AKNA: variants seen among roughly 807,000 people sequenced by gnomAD.
AKNA encodes the protein AT-hook transcription factor.
Under a neutral mutation model 138.8 loss-of-function variants are expected in AKNA, and 67 were observed. The ratio of observed to expected loss-of-function variants is 0.48; its 90% CI spans 0.40 to 0.59. AKNA has a LOEUF of 0.59. Among genes scored for constraint, AKNA ranks in the 20% least tolerant of loss-of-function variants. The pLI, the probability that AKNA is intolerant of heterozygous loss-of-function variation, is 0.00. For missense variants in AKNA, 1,813 were observed against 1,880.4 expected, an observed-to-expected ratio of 0.96 and a Z score of 0.66; for synonymous variants, 737 against 754.4, an observed-to-expected ratio of 0.98 and a Z score of 0.38.
upstream of AKNA, among the ~76,000 whole-genome samples, chr9:114,395,736 TAAAA>T (rs11297740): frequency 1.2e-3 from 135 of 108,244 alleles, no homozygotes; most frequent in East Asian, 6.4e-3. Flanking sequence ...CAGCTGTCTT[TAAAA>T]AAAAAAAAAA....
chr9:114,386,285 C>T (rs1429126548), intron 1 of AKNA, among the ~76,000 whole-genome samples: 2 of 152,106 alleles, frequency 1.3e-5, no homozygotes, highest in South Asian at 2.1e-4. Flanking sequence ...GGGGGTAGTA[C>T]AATACAGAAG....
At position 114,381,225 on chromosome 9, in the gene AKNA, T is replaced by C. The variant is rs754525164; in HGVS notation, c.109A>G (p.Ser37Gly). Residue 37 changes from serine to glycine, a missense_variant, in exon 2 of 22, where the codon AGT becomes GGT. Ser to Gly is a moderately conservative substitution (Grantham distance 56). Transcript: ENST00000374088. ...CTCTCTTCTTCCCAGCTTTGTGAAC[T>C]ACTTCTATCCACATCCCTCTTGTCC... ...AEDKRDVDRSSSQSWEEERLF... is the reference protein window; with the variant it reads ...AEDKRDVDRSGSQSWEEERLF... 84 of 1,614,192 alleles carry C rather than the reference T, an allele frequency of 5.2e-5. No homozygotes were observed. The highest frequency in any genetic ancestry group is 7.1e-5 in the Non-Finnish European group (84 of 1,180,022).
chr9:114,361,573 A>G, intron 9 of AKNA, 131 bp downstream of exon 9: 2 of 1,038,118 alleles, frequency 1.9e-6, no homozygotes, highest in East Asian at 2.4e-5. Context: ...TAAATATGTA[A>G]TATTTACATA....
rs912293959 is a variant in AKNA at position 114,380,984 on chromosome 9, A to G, written c.274+76T>C. The stretch of plus-strand genomic sequence containing the variant: ...GCAATGAAGCAAGACTCTGTCTCAA[A>G]AAAAAAAAAAAAAAAAAGAACGTGT... On this transcript the variant is annotated intron_variant, in intron 2 of 21. Transcript: ENST00000374088. 519 of 769,210 alleles carry G rather than the reference A, an allele frequency of 6.7e-4. 1 individual carries two copies. In the African/African-American group the frequency reaches 8.8e-3, roughly 13 times the overall value. 47.6% of individuals were successfully genotyped at this position (769,210 alleles called of 1,614,324 possible).
chr9:114,383,292 T>G (rs1564097492), intron 1 of AKNA: 3 of 445,020 alleles, frequency 6.7e-6, no homozygotes, highest in Non-Finnish European at 1.4e-5. Flanking sequence ...CCCTCTTTCC[T>G]TCTCCCTCTC....
chr9:114,354,249 C>T (rs918422838), intron 14 of AKNA, among the ~76,000 whole-genome samples: 5 of 151,900 alleles, frequency 3.3e-5, no homozygotes, highest in African/African-American at 1.2e-4. Context: ...ACACACACAT[C>T]ACAGACACAC....
chr9:114,367,492 G>A (rs1410686885), intron 6 of AKNA, 51 bp downstream of exon 6: 1 of 1,598,154 alleles, frequency 6.3e-7, no homozygotes, highest in East Asian at 2.2e-5. Flanking sequence ...GAGGTTCTGT[G>A]TTCTCCAGGT....
At chr9:114,341,785 A>ATGGCAGATCCAGCTG in intron 20 of AKNA, 60 bp from the exon 21 acceptor site, 1 of 1,508,096 alleles carries the variant, frequency 6.6e-7, no homozygotes, top group Non-Finnish European at 8.9e-7. Context: ...ATCCAGCCAA[A>ATGGCAGATCCAGCTG]GATGGAGGGT....
chr9:114,378,862 A>G (rs144405872), intron 2 of AKNA, among the ~76,000 whole-genome samples: 1 of 152,158 alleles, frequency 6.6e-6, no homozygotes, highest in Non-Finnish European at 1.5e-5. Context: ...GATAAGTCCA[A>G]AGTTTCATGA....
chr9:114,392,556 C>T (rs1017523435), upstream of AKNA, among the ~76,000 whole-genome samples: 8 of 152,234 alleles, frequency 5.3e-5, no homozygotes, highest in South Asian at 2.1e-4. Flanking sequence ...CTTGGGATGA[C>T]GGATGAGACT....
rs1337653233 is a variant in AKNA, at chr9:114,347,806, G to C, written c.3316C>G (p.Pro1106Ala). 2 of 1,551,170 alleles carry C rather than the reference G, an allele frequency of 1.3e-6. No individual in the cohort carries two copies. The highest frequency in any genetic ancestry group is 3.9e-5 in the Admixed American group (2 of 50,988). Reference protein sequence around the residue: ...HQPLQGSPTRPASAFDRPART... With the variant: ...HQPLQGSPTRAASAFDRPART... ...GCGGGGCGGTCAAAGGCAGATGCTG[G>C]GCGTGTCGGGCTGCCCTGGAGTGGC... is the stretch of plus-strand genomic sequence containing the variant. The change falls in exon 16 of 22, where the codon CCA becomes GCA. Residue 1106 changes from proline to alanine, a missense_variant. Pro to Ala is a conservative substitution (Grantham distance 27, BLOSUM62 -1). Transcript: ENST00000374088.
At chr9:114,373,813 G>A (rs992093419) in intron 4 of AKNA, among the ~76,000 whole-genome samples, 2 of 150,896 alleles carry the variant, frequency 1.3e-5, no homozygotes, top group African/African-American at 4.9e-5. Flanking sequence ...TTGAGCCCAG[G>A]AGGTTGAGAT....
Position 114,334,754 on chromosome 9 carries a change from C to A in AKNA, c.*2300G>T, listed in dbSNP as rs1481191906. ...CCACGTGTGCAGCTGCGTATACCAT[C>A]CAGGGTGATAGGACCATGAGCCCGA... On this transcript the variant is annotated 3_prime_UTR_variant, in exon 22 of 22. Transcript: ENST00000374088. The A allele has an allele frequency of 4.8e-5, 7 of 146,792 alleles. No individual in the cohort carries two copies. Among genetic ancestry groups the A allele is most frequent in the East Asian group, 1.9e-4 (1 of 5,180 alleles). 9.1% of individuals were successfully genotyped at this position (146,792 alleles called of 1,614,324 possible). A position where few individuals can be genotyped will look rare whatever the true frequency, so the allele number is the denominator to read the frequency against.
chr9:114,393,419 G>T (rs1052757911), intron 1 of AKNA, among the ~76,000 whole-genome samples: 110 of 150,858 alleles, frequency 7.3e-4, no homozygotes, highest in African/African-American at 2.6e-3. Context: ...TAGAGACAGG[G>T]TTTCACTGTG....
chr9:114,351,636 G>T (rs1056051583), intron 14 of AKNA, among the ~76,000 whole-genome samples: 3 of 132,062 alleles, frequency 2.3e-5, no homozygotes, highest in African/African-American at 9.0e-5. Context: ...AATATAGAAA[G>T]ACCCCATCTT....
At chr9:114,356,272 T>C (rs1831500144) in intron 13 of AKNA, 136 bp from the exon 14 acceptor site, 1 of 777,332 alleles carries the variant, frequency 1.3e-6, no homozygotes, top group Non-Finnish European at 2.0e-6. Flanking sequence ...TGGTACAATA[T>C]TTCCAAGGAC....
chr9:114,339,125 C>T (rs73548978), intron 21 of AKNA, among the ~76,000 whole-genome samples: 3,370 of 152,280 alleles, frequency 0.022, 108 homozygotes, highest in African/African-American at 0.076. Flanking sequence ...AAAGTAGGGA[C>T]TGTCTGGGCT....
chr9:114,357,530 T>C (rs1831586975), intron 12 of AKNA, among the ~76,000 whole-genome samples: 1 of 152,076 alleles, frequency 6.6e-6, no homozygotes. Flanking sequence ...TGTGTGTGTG[T>C]GTGTGTTTGT....
intron 6 of AKNA, among the ~76,000 whole-genome samples, chr9:114,366,036 T>C (rs770804261): frequency 1.3e-5 from 2 of 152,186 alleles, no homozygotes; most frequent in Non-Finnish European, 2.9e-5. Flanking sequence ...CCCAGCACTT[T>C]GGGAGGCCGA....
Sources: gnomAD v4.1 joint callset for allele counts (sites outside exome capture counted in the v4.1 genomes callset) on GRCh38, gnomAD v4.1.1 for gene constraint, MANE v1.5 for transcripts, NCBI Gene and HGNC (gene_info 2026-07-23, HGNC 2026-07-21) for gene names.